The following CHRDL1 variants were observed in gnomAD, a reference collection of about 807,000 sequenced individuals.
The protein encoded by CHRDL1 is chordin-like protein 1.
Under a neutral mutation model 40.9 loss-of-function variants are expected in CHRDL1, and 19 were observed. The observed-to-expected ratio is 0.46, with a 90% confidence interval of 0.32 to 0.68. CHRDL1 has a LOEUF of 0.68. Among genes scored for constraint, CHRDL1 ranks in the 30% least tolerant of loss-of-function variants. The probability of loss-of-function intolerance (pLI) is 0.03; values close to 1 mark genes in which losing one functional copy is unlikely to be tolerated. For synonymous variants in CHRDL1, 136 were observed against 123.4 expected, an observed-to-expected ratio of 1.10 and a Z score of -0.68; for missense variants, 329 against 352.1, an observed-to-expected ratio of 0.93 and a Z score of 0.53.
At chrX:110,689,656 C>CATCTATAT (rs1203030853) in intron 8 of CHRDL1, among the ~76,000 whole-genome samples, 2 of 10,516 alleles carry the variant, frequency 1.9e-4, no homozygotes, top group Admixed American at 1.2e-3. Context: ...ATCTATATAT[C>CATCTATAT]ATCTATATAT....
chrX:110,679,685 T>A (rs754878021), intron 10 of CHRDL1, among the ~76,000 whole-genome samples: 2 of 111,537 alleles, frequency 1.8e-5, no homozygotes, highest in Non-Finnish European at 3.8e-5. Context: ...ACCATGGGAC[T>A]CTCTCCTAGG....
At position 110,681,624 on chromosome X, in the gene CHRDL1, G is replaced by T; in HGVS notation, c.1014C>A (p.Asp338Glu). 1.7e-6 allele frequency: 2 copies of T among 1,204,795 alleles called. No homozygotes were observed. The highest frequency in any genetic ancestry group is 2.2e-6 in the Non-Finnish European group (2 of 891,679). ...AKEELPGQSF[D>E]NKGYFCGEET... ...CTTCCCCGCAGAAGTAGCCTTTATT[G>T]TCAAAGCTTTGGCCTGGAAGTTCTT... Residue 338 changes from aspartate to glutamate, a missense_variant, in exon 10 of 12, where the codon GAC becomes GAA. Transcript: ENST00000372042.
intron 4 of CHRDL1, among the ~76,000 whole-genome samples, chrX:110,732,211 T>G (rs1195658012): frequency 4.5e-5 from 5 of 111,121 alleles, no homozygotes; most frequent in Non-Finnish European, 9.4e-5. Flanking sequence ...AGCCGTGGTG[T>G]ATCCACTTTG....
intron 4 of CHRDL1, among the ~76,000 whole-genome samples, chrX:110,722,898 T>G: frequency 9.0e-6 from 1 of 111,147 alleles, no homozygotes. Flanking sequence ...GTCAAAACTG[T>G]AATGAATATG....
chrX:110,759,583 A>C, intron 4 of CHRDL1, 78 bp downstream of exon 4: 1 of 707,392 alleles, frequency 1.4e-6, no homozygotes, highest in Non-Finnish European at 2.3e-6. Context: ...CTTCTGGGGA[A>C]TTATGGAGAT....
At chrX:110,699,227 T>C (rs995210796) in intron 7 of CHRDL1, among the ~76,000 whole-genome samples, 1 of 111,847 alleles carries the variant, frequency 8.9e-6, no homozygotes, top group Non-Finnish European at 1.9e-5. Context: ...AATGGTTCCA[T>C]CTCACTGCTG....
intron 6 of CHRDL1, among the ~76,000 whole-genome samples, chrX:110,716,060 T>G (rs1382757275): frequency 1.8e-5 from 2 of 112,354 alleles, no homozygotes; most frequent in African/African-American, 6.5e-5. Context: ...CTGATGCAAA[T>G]AGCATATTAA....
chrX:110,788,751 G>C (rs1263447685), intron 2 of CHRDL1, among the ~76,000 whole-genome samples: 1 of 111,897 alleles, frequency 8.9e-6, no homozygotes, highest in Non-Finnish European at 1.9e-5. Flanking sequence ...AGTGAAACTT[G>C]CCAATTGTGG....
In CHRDL1 at chrX:110,676,315, C is replaced by T; in HGVS notation, c.1293G>A (p.Met431Ile). 8.3e-7 allele frequency: 1 copy of T among 1,209,693 alleles called. No homozygotes were observed. The highest frequency in any genetic ancestry group is 1.1e-6 in the Non-Finnish European group (1 of 893,656). The change falls in exon 12 of 12, where the codon ATG becomes ATA. Residue 431 changes from methionine (M) to isoleucine (I), a missense_variant. Coordinates refer to ENST00000372042, the MANE Select transcript of CHRDL1 (RefSeq NM_001143981.2). ...FTEGEAQISQ[M>I]CSSRVCRTEL... ...CTGTTCTGCATACACGACTTGAACA[C>T]ATCTGGCTGATCTGAGCTTCTCCTT... is the stretch of plus-strand genomic sequence containing the variant.
intron 7 of CHRDL1, among the ~76,000 whole-genome samples, chrX:110,695,268 C>G (rs756703518): frequency 8.1e-5 from 9 of 111,685 alleles, no homozygotes; most frequent in African/African-American, 2.9e-4. Context: ...CATGTAAGCT[C>G]TACGAAATCA....
intron 4 of CHRDL1, among the ~76,000 whole-genome samples, chrX:110,742,361 A>T (rs1405222977): frequency 1.8e-5 from 2 of 112,289 alleles, no homozygotes; most frequent in Admixed American, 1.9e-4. Context: ...TGTATACCTG[A>T]GCACCTGCAC....
chrX:110,727,889 T>C (rs1398380098), intron 4 of CHRDL1, among the ~76,000 whole-genome samples: 2 of 111,932 alleles, frequency 1.8e-5, no homozygotes, highest in African/African-American at 6.5e-5. Flanking sequence ...AATTATTCAT[T>C]GCAGCATTGT....
At position 110,694,301 on chromosome X, in the gene CHRDL1, G is replaced by T; in HGVS notation, c.640C>A (p.Pro214Thr). 8.3e-7 allele frequency: 1 copy of T among 1,209,457 alleles called. No homozygotes were observed. ...RHSYHRSHYD[P>T]PPSRQAGGLS... ...CCTCCAGCCTGTCGGCTTGGTGGAG[G>T]ATCATAGTGAGAGCGGTGGTAAGAA... Residue 214 changes from proline to threonine, a missense_variant, in exon 8 of 12, where the codon CCT becomes ACT. Transcript: ENST00000372042.
At chrX:110,793,422 C>T (rs183511827) in intron 1 of CHRDL1, among the ~76,000 whole-genome samples, 1 of 111,642 alleles carries the variant, frequency 9.0e-6, no homozygotes, top group African/African-American at 3.3e-5. Context: ...TGCCTTCCTT[C>T]TTTACCTCCT....
intron 1 of CHRDL1, among the ~76,000 whole-genome samples, chrX:110,793,352 A>C (rs1198570630): frequency 8.9e-6 from 1 of 112,139 alleles, no homozygotes; most frequent in Non-Finnish European, 1.9e-5. Context: ...TGAATGCATA[A>C]CCAAGGAAGA....
chrX:110,697,273 A>G (rs895487818), intron 7 of CHRDL1, among the ~76,000 whole-genome samples: 1 of 110,443 alleles, frequency 9.1e-6, no homozygotes, highest in Non-Finnish European at 1.9e-5. Flanking sequence ...TTCATGTTCT[A>G]AAGTCTAAAA....
intron 6 of CHRDL1, among the ~76,000 whole-genome samples, chrX:110,701,536 G>A (rs756546013): frequency 9.0e-6 from 1 of 111,713 alleles, no homozygotes; most frequent in Non-Finnish European, 1.9e-5. Flanking sequence ...GTAACACGCC[G>A]GGTGCAGTGG....
intron 6 of CHRDL1, among the ~76,000 whole-genome samples, chrX:110,707,721 G>C (rs1038242824): frequency 3.6e-5 from 4 of 111,671 alleles, no homozygotes; most frequent in East Asian, 5.6e-4. Context: ...CACCATTCAG[G>C]GCATAGGCAT....
At chrX:110,682,408 C>T (rs2069920518) in intron 9 of CHRDL1, among the ~76,000 whole-genome samples, 1 of 112,206 alleles carries the variant, frequency 8.9e-6, no homozygotes, top group African/African-American at 3.2e-5. Flanking sequence ...CATAAAGGCA[C>T]AAGCTCTACA....
Sources: gnomAD v4.1 joint callset for allele counts (sites outside exome capture counted in the v4.1 genomes callset) on GRCh38, gnomAD v4.1.1 for gene constraint, MANE v1.5 for transcripts, NCBI Gene and HGNC (gene_info 2026-07-23, HGNC 2026-07-21) for gene names.